The following ABCA9 variants were observed in gnomAD, a reference collection of about 807,000 sequenced individuals.
ABCA9 encodes ATP-binding cassette sub-family A member 9.
In ABCA9, 183 loss-of-function variants were observed where a neutral mutation model predicts 205.3. That is an observed-to-expected ratio of 0.89 (90% CI 0.79 to 1.01). ABCA9 has a LOEUF of 1.01. Ranked by LOEUF, ABCA9 falls within the 50% of genes least tolerant of loss-of-function variation. The pLI is 0.00. For synonymous variants in ABCA9, 651 were observed against 683.3 expected, an observed-to-expected ratio of 0.95 and a Z score of 0.74; for missense variants, 1,805 against 1,912.4, an observed-to-expected ratio of 0.94 and a Z score of 1.05.
At position 68,985,086 on chromosome 17, in the gene ABCA9, G is replaced by T; in HGVS notation, c.4251C>A (p.Pro1417=). The change falls in exon 33 of 39, where the codon CCC becomes CCA. Residue 1417 remains proline (P), a synonymous_variant. Transcript: ENST00000340001. ...TTATTCCCTCTGACAAGGTCTTCACGGGAGCCTTCAGCTGGTCCTGCAGCT... is the reference window on the plus strand; with the variant it reads ...TTATTCCCTCTGACAAGGTCTTCACTGGAGCCTTCAGCTGGTCCTGCAGCT... The part of the protein sequence containing the change: ...ALKLQDQLKA[P]VKTLSEGIKR... The T allele has an allele frequency of 6.2e-7, 1 of 1,614,160 alleles. No homozygotes were observed. Among genetic ancestry groups the T allele is most frequent in the Non-Finnish European group, 8.5e-7 (1 of 1,180,040 alleles).
upstream of ABCA9, chr17:69,061,234 G>T: frequency 2.4e-6 from 2 of 828,684 alleles, no homozygotes; most frequent in Non-Finnish European, 2.9e-6. Flanking sequence ...AGGCCCTAAT[G>T]GGAGAGTTGA....
chr17:69,047,208 C>G (rs1331989939), intron 3 of ABCA9, among the ~76,000 whole-genome samples: 1 of 150,852 alleles, frequency 6.6e-6, no homozygotes, highest in African/African-American at 2.4e-5. Context: ...CCGCCCACCT[C>G]AGCCTCCCAA....
chr17:69,028,723 G>T, intron 11 of ABCA9, 78 bp from the exon 12 acceptor site: 1 of 791,918 alleles, frequency 1.3e-6, no homozygotes. Context: ...GTAATTTTTT[G>T]CAGCATGAAT....
At chr17:69,017,552 T>G in intron 21 of ABCA9, 104 bp downstream of exon 21, 2 of 1,289,396 alleles carry the variant, frequency 1.6e-6, no homozygotes, top group Non-Finnish European at 1.1e-6. Flanking sequence ...AACTATCCCA[T>G]TTGTTTGTGT....
Position 69,020,440 on chromosome 17 carries a change from C to T in ABCA9, c.2548G>A (p.Ala850Thr). The T allele has an allele frequency of 1.2e-6, 2 of 1,613,954 alleles. No individual in the cohort carries two copies. Among genetic ancestry groups the T allele is most frequent in the Non-Finnish European group, 1.7e-6 (2 of 1,179,924 alleles). Residue 850 changes from alanine (A) to threonine (T), a missense_variant, in exon 19 of 39, where the codon GCA becomes ACA. Physicochemically the swap from Ala to Thr is moderately conservative, Grantham distance 58. Transcript: ENST00000340001. ...TTTAACTTTAGGAAGCGAACTTTTG[C>T]TATTGCACAGACCTGCTGCCTCCAG... The part of the protein sequence containing the change: ...ALWRQQVCAI[A>T]KVRFLKLKKE...
At chr17:69,050,807 A>G (rs184824886) in intron 2 of ABCA9, among the ~76,000 whole-genome samples, 11 of 152,320 alleles carry the variant, frequency 7.2e-5, no homozygotes, top group Non-Finnish European at 1.5e-4. Flanking sequence ...GAATTTTTAA[A>G]AAAATGCCTC....
chr17:68,993,395 T>G (rs1480829722), intron 26 of ABCA9, among the ~76,000 whole-genome samples: 1 of 152,142 alleles, frequency 6.6e-6, no homozygotes, highest in Non-Finnish European at 1.5e-5. Flanking sequence ...ACAAACCCTC[T>G]CCCCTAACCT....
At position 68,990,846 on chromosome 17, in the gene ABCA9, G is replaced by C. The variant is rs762426416; in HGVS notation, c.3828C>G (p.Asp1276Glu). 3.1e-6 allele frequency: 5 copies of C among 1,611,952 alleles called. No homozygotes were observed. Among genetic ancestry groups the C allele is most frequent in the African/African-American group, 2.7e-5 (2 of 74,774 alleles). The change falls in exon 29 of 39, where the codon GAC (aspartate) becomes GAG (glutamate). Residue 1276 changes from aspartate (D) to glutamate (E), a missense_variant. By Grantham distance (45) the Asp-to-Glu change is conservative. Transcript: ENST00000340001. ...CATTTCTGAGTTCTACCTCATCAAAGTCTCGCACAGCCATAGCATTCACTG... is the reference window on the plus strand; with the variant it reads ...CATTTCTGAGTTCTACCTCATCAAACTCTCGCACAGCCATAGCATTCACTG... ...MRTVNAMAVR[D>E]FDETPVIIAS... is the part of the protein sequence containing the mutation.
Position 69,045,292 on chromosome 17 carries a change from A to T in ABCA9, c.349T>A (p.Leu117Met), listed in dbSNP as rs770086711. ...GWPDEKSMDE[L>M]DLNYSIDAVR... Reference sequence around the variant, plus strand: ...GCGTCTATTGAATAGTTCAAATCCAATTCATCCATGCTTTTTTCATCAGGC... The same window carrying T: ...GCGTCTATTGAATAGTTCAAATCCATTTCATCCATGCTTTTTTCATCAGGC... Residue 117 changes from leucine (L) to methionine (M), a missense_variant, in exon 4 of 39, where the codon TTG (leucine) becomes ATG (methionine). Physicochemically the swap from Leu to Met is conservative, Grantham distance 15. Transcript: ENST00000340001. The T allele has an allele frequency of 2.4e-5, 38 of 1,611,776 alleles. 1 individual carries two copies. The Admixed American group carries it at 6.3e-4, about 27-fold the overall frequency.
intron 25 of ABCA9, among the ~76,000 whole-genome samples, chr17:69,004,136 T>C (rs1224603264): frequency 6.6e-6 from 1 of 152,242 alleles, no homozygotes; most frequent in Non-Finnish European, 1.5e-5. Flanking sequence ...TCATTCTCCA[T>C]CCAGCTTTGT....
At chr17:69,057,406 G>A (rs970518812) in intron 1 of ABCA9, among the ~76,000 whole-genome samples, 26 of 152,090 alleles carry the variant, frequency 1.7e-4, no homozygotes, top group Admixed American at 1.6e-3. Flanking sequence ...CCCACATAAG[G>A]GCCTAGGCTT....
At chr17:69,055,635 G>T (rs2072046373) in intron 1 of ABCA9, among the ~76,000 whole-genome samples, 1 of 152,058 alleles carries the variant, frequency 6.6e-6, no homozygotes, top group Non-Finnish European at 1.5e-5. Flanking sequence ...AATCAGAGTT[G>T]AACTCAACAA....
the ABCA9 span, among the ~76,000 whole-genome samples, chr17:69,078,208 TTG>T: frequency 7.7e-5 from 4 of 52,114 alleles, no homozygotes; most frequent in South Asian, 4.8e-3. Flanking sequence ...TTTGTTTTTG[TTG>T]TTTTTTTTTT....
At chr17:68,998,912 C>A (rs184793185) in intron 25 of ABCA9, among the ~76,000 whole-genome samples, 2 of 151,544 alleles carry the variant, frequency 1.3e-5, no homozygotes, top group Admixed American at 1.3e-4. Context: ...TTTAAAAAAT[C>A]TATAGAGAAT....
rs1324150836 is a variant in ABCA9 at position 68,975,830 on chromosome 17, C to T, written c.*85G>A. The T allele has an allele frequency of 3.9e-6, 4 of 1,026,306 alleles. No individual in the cohort carries two copies. The East Asian group carries it at 7.8e-5, about 20-fold the overall frequency. 63.6% of individuals were successfully genotyped at this position (1,026,306 alleles called of 1,614,324 possible). Reference sequence around the variant, plus strand: ...GAGTTTCAAATGCATTTTGTACCACCTCTGATATAAGGCATATTAAGGCTA... The same window carrying T: ...GAGTTTCAAATGCATTTTGTACCACTTCTGATATAAGGCATATTAAGGCTA... On this transcript the variant is annotated 3_prime_UTR_variant, in exon 39 of 39. Transcript: ENST00000340001.
Position 69,043,660 on chromosome 17 carries a change from A to G in ABCA9, c.629T>C (p.Met210Thr), listed in dbSNP as rs750996304. 6.2e-7 allele frequency: 1 copy of G among 1,613,554 alleles called. No homozygotes were observed. The highest frequency in any genetic ancestry group is 1.1e-5 in the South Asian group (1 of 90,960). Residue 210 changes from methionine to threonine, a missense_variant, in exon 6 of 39, where the codon ATG becomes ACG. By Grantham distance (81) the Met-to-Thr change is moderately conservative. Coordinates refer to ENST00000340001, the MANE Select transcript of ABCA9 (RefSeq NM_080283.4). ...EQLMSVTGVH[M>T]KILPFVAQGG... Reference sequence around the variant, plus strand: ...TTGGGCAACAAAAGGTAATATCTTCATATGTACACCAGTAACTGACATCAG... The same window carrying G: ...TTGGGCAACAAAAGGTAATATCTTCGTATGTACACCAGTAACTGACATCAG...
chr17:68,975,939 T>G lies in ABCA9; in HGVS notation c.4851A>C (p.Lys1617Asn), dbSNP rs772298831. The G allele has an allele frequency of 1.9e-6, 3 of 1,612,852 alleles. No individual in the cohort carries two copies. Among genetic ancestry groups the G allele is most frequent in the Non-Finnish European group, 2.5e-6 (3 of 1,179,538 alleles). ...EEDFDPSVKW[K>N]LLLQEEP ...TTTAAGGCTCTTCCTGCAGGAGGAG[T>G]TTCCACTTCACCGAGGGATCAAAGT... The change falls in exon 39 of 39, where the codon AAA becomes AAC. Residue 1617 changes from lysine to asparagine, a missense_variant. By Grantham distance (94) the Lys-to-Asn change is moderately conservative. Transcript: ENST00000340001.
intron 3 of ABCA9, among the ~76,000 whole-genome samples, chr17:69,045,671 G>A (rs941852604): frequency 6.6e-6 from 1 of 152,074 alleles, no homozygotes; most frequent in Non-Finnish European, 1.5e-5. Flanking sequence ...CCCTATGACT[G>A]GGGAAGCCTC....
intron 19 of ABCA9, among the ~76,000 whole-genome samples, chr17:69,018,881 G>T (rs891108636): frequency 2.0e-5 from 3 of 151,930 alleles, no homozygotes; most frequent in African/African-American, 7.2e-5. Flanking sequence ...TTTCAGTCAT[G>T]CATTTCTTTC....
Sources: gnomAD v4.1 joint callset for allele counts (sites outside exome capture counted in the v4.1 genomes callset) on GRCh38, gnomAD v4.1.1 for gene constraint, MANE v1.5 for transcripts, NCBI Gene and HGNC (gene_info 2026-07-23, HGNC 2026-07-21) for gene names.